The following CEP95 variants were observed in gnomAD, a reference collection of about 807,000 sequenced individuals.
CEP95 encodes centrosomal protein of 95 kDa.
Under a neutral mutation model 111.2 loss-of-function variants are expected in CEP95, and 98 were observed. The observed-to-expected ratio is 0.88, with a 90% CI of 0.75 to 1.04. The LOEUF (loss-of-function observed/expected upper bound fraction) is 1.04. Ranked by LOEUF, CEP95 falls within the 50% of genes least tolerant of loss-of-function variation. The pLI is 0.00. For synonymous variants in CEP95, 323 were observed against 327.1 expected, an observed-to-expected ratio of 0.99 and a Z score of 0.14; for missense variants, 1,027 against 977.2, an observed-to-expected ratio of 1.05 and a Z score of -0.68.
At chr17:64,509,240 C>G (rs1555674036) in intron 2 of CEP95, among the ~76,000 whole-genome samples, 1 of 152,200 alleles carries the variant, frequency 6.6e-6, no homozygotes, top group Non-Finnish European at 1.5e-5. Flanking sequence ...TCACTATGTT[C>G]AAGACCAGGG....
intron 15 of CEP95, 37 bp downstream of exon 15, chr17:64,533,045 TGAGAA>T: frequency 1.9e-6 from 3 of 1,605,092 alleles, no homozygotes; most frequent in South Asian, 2.2e-5. Flanking sequence ...GGAATTTAAA[TGAGAA>T]GAGCTTATCC....
intron 1 of CEP95, 192 bp downstream of exon 1, chr17:64,507,308 C>T: frequency 6.9e-7 from 1 of 1,454,414 alleles, no homozygotes; most frequent in Non-Finnish European, 9.1e-7. Context: ...CGTGGAACAG[C>T]AGTATGCTGT....
chr17:64,509,905 CTA>C (rs149675660), intron 2 of CEP95, among the ~76,000 whole-genome samples: 89 of 148,888 alleles, frequency 6.0e-4, no homozygotes, highest in East Asian at 5.8e-3. Flanking sequence ...ATCTATATAT[CTA>C]TATATATATA....
At chr17:64,507,735 G>A in intron 1 of CEP95, 1 of 985,848 alleles carries the variant, frequency 1.0e-6, no homozygotes, top group South Asian at 4.7e-5. Context: ...TGGGGAGGGG[G>A]ATTATGTGCA....
chr17:64,506,885 C>G (rs2038560057), upstream of CEP95: 4 of 649,628 alleles, frequency 6.2e-6, no homozygotes, highest in South Asian at 7.0e-5. Flanking sequence ...TCCCAAACCG[C>G]CCCCGTTTCA....
At chr17:64,527,007 T>C in intron 10 of CEP95, 104 bp from the exon 11 acceptor site, 3 of 805,846 alleles carry the variant, frequency 3.7e-6, no homozygotes, top group Middle Eastern at 3.9e-4. Context: ...GAAAACTTGT[T>C]ATTAGTGACT....
intron 3 of CEP95, among the ~76,000 whole-genome samples, chr17:64,513,819 A>G (rs1555675689): frequency 6.6e-6 from 1 of 152,120 alleles, no homozygotes; most frequent in Admixed American, 6.6e-5. Context: ...TGAACAAACC[A>G]CCATTTAGAA....
At chr17:64,523,480 A>G (rs1370446672) in intron 8 of CEP95, among the ~76,000 whole-genome samples, 3 of 152,216 alleles carry the variant, frequency 2.0e-5, no homozygotes, top group African/African-American at 7.2e-5. Flanking sequence ...AACCACTGTT[A>G]ACATATTGAT....
At chr17:64,518,282 T>A (rs1012076482) in intron 5 of CEP95, among the ~76,000 whole-genome samples, 12 of 152,252 alleles carry the variant, frequency 7.9e-5, no homozygotes, top group East Asian at 3.8e-4. Context: ...AGAGTTTTTT[T>A]AAATATTATC....
rs1568153143 is a variant in CEP95 at position 64,532,002 on chromosome 17, A to AG, written c.1653dup (p.Pro552AlafsTer3). The AG allele has an allele frequency of 1.3e-6, 2 of 1,583,814 alleles. No homozygotes were observed. Among genetic ancestry groups the AG allele is most frequent in the Non-Finnish European group, 1.7e-6 (2 of 1,172,044 alleles). ...CAGAGTCTAAGAGGTGGCCTCCCAA[A>AG]GCCAAATAAAGCAGTTCCAAGTAAG... On this transcript the variant is annotated frameshift_variant, in exon 14 of 20. Coordinates refer to ENST00000556440, the MANE Select transcript of CEP95 (RefSeq NM_138363.3). LOFTEE classifies it high-confidence loss of function.
chr17:64,525,773 C>A lies in CEP95; in HGVS notation c.913C>A (p.Leu305Ile). 1 of 1,595,564 alleles carries A rather than the reference C, an allele frequency of 6.3e-7. No homozygotes were observed. The highest frequency in any genetic ancestry group is 8.6e-7 in the Non-Finnish European group (1 of 1,169,370). The change falls in exon 9 of 20, where the codon CTA becomes ATA. Residue 305 changes from leucine to isoleucine, a missense_variant. Leu to Ile is a conservative substitution (Grantham distance 5). Transcript: ENST00000556440. ...TGEHTEFSGDLDDGLFLISKL... is the reference protein window; with the variant it reads ...TGEHTEFSGDIDDGLFLISKL... The stretch of plus-strand genomic sequence containing the variant: ...ACTTTTTTTCTGTTTTTAATAGGAT[C>A]TAGATGATGGACTTTTCTTAATTTC...
chr17:64,516,554 A>G (rs1300077485), intron 4 of CEP95, among the ~76,000 whole-genome samples, 169 bp from the exon 5 acceptor site: 1 of 152,250 alleles, frequency 6.6e-6, no homozygotes, highest in East Asian at 1.9e-4. Context: ...CGAATAATAC[A>G]TGCTCATTAC....
intron 19 of CEP95, 97 bp downstream of exon 19, chr17:64,537,209 C>T: frequency 2.0e-6 from 3 of 1,531,944 alleles, no homozygotes; most frequent in Non-Finnish European, 2.6e-6. Context: ...TAGGCTGTAT[C>T]ATATAGCCCC....
At chr17:64,511,970 C>T (rs1287731109) in intron 3 of CEP95, among the ~76,000 whole-genome samples, 3 of 152,162 alleles carry the variant, frequency 2.0e-5, no homozygotes, top group Non-Finnish European at 4.4e-5. Flanking sequence ...ACTAATGCTA[C>T]TTGTTTGTGA....
At chr17:64,529,632 G>A (rs1277716900) in intron 12 of CEP95, among the ~76,000 whole-genome samples, 1 of 152,172 alleles carries the variant, frequency 6.6e-6, no homozygotes, top group Non-Finnish European at 1.5e-5. Flanking sequence ...AAAATAACCT[G>A]GCTGGACATA....
Position 64,508,341 on chromosome 17 carries a change from A to G in CEP95, c.20-251A>G, listed in dbSNP as rs977124613. On this transcript the variant is annotated intron_variant, in intron 1 of 19. Coordinates refer to ENST00000556440, the MANE Select transcript of CEP95 (RefSeq NM_138363.3). ...AAGATTTTAGGCTGCAACAGTATCA[A>G]TTGAATTTGCAGTATAGTTTTGACT... 3.9e-5 allele frequency: 40 copies of G among 1,012,886 alleles called. No individual in the cohort carries two copies. The Middle Eastern group carries it at 1.9e-3, about 48-fold the overall frequency. 62.7% of individuals were successfully genotyped at this position (1,012,886 alleles called of 1,614,324 possible).
At chr17:64,537,399 G>A (rs1317688178) in intron 19 of CEP95, 16 of 1,375,762 alleles carry the variant, frequency 1.2e-5, no homozygotes, top group Non-Finnish European at 1.5e-5. Flanking sequence ...GGAATGGAGA[G>A]AAGACTAATA....
intron 7 of CEP95, 42 bp from the exon 8 acceptor site, chr17:64,522,660 T>G: frequency 6.9e-7 from 1 of 1,448,872 alleles, no homozygotes; most frequent in South Asian, 1.2e-5. Flanking sequence ...GGTTTATTTC[T>G]TAGAATTGCA....
At chr17:64,513,795 C>T (rs964968352) in intron 3 of CEP95, among the ~76,000 whole-genome samples, 3 of 152,028 alleles carry the variant, frequency 2.0e-5, no homozygotes, top group Admixed American at 1.3e-4. Flanking sequence ...TGTTACTCTG[C>T]TGCTATAATC....
Sources: allele counts gnomAD v4.1 joint callset (sites outside exome capture counted in the v4.1 genomes callset), GRCh38; gene constraint gnomAD v4.1.1; transcripts MANE v1.5; gene names NCBI Gene and HGNC (gene_info 2026-07-23, HGNC 2026-07-21).